The following CTNNA2 variants were observed in gnomAD, a reference collection of about 807,000 sequenced individuals.
CTNNA2 encodes catenin alpha 2.
A neutral mutation model predicts 101.0 loss-of-function variants in CTNNA2; 42 were observed. The ratio of observed to expected loss-of-function variants is 0.42; its 90% confidence interval spans 0.32 to 0.54. The LOEUF (loss-of-function observed/expected upper bound fraction) is 0.54, where lower values mean the gene tolerates loss of function less well. CTNNA2 is among the 20% of genes least tolerant of loss of function. The pLI is 0.14. For missense variants in CTNNA2, 871 were observed against 1,223.1 expected (o/e 0.71, Z 4.29); for synonymous variants, 450 against 456.4 (o/e 0.99, Z 0.18).
At chr2:79,890,804 G>A (rs1179079152) in intron 6 of CTNNA2, among the ~76,000 whole-genome samples, 1 of 143,676 alleles carries the variant, frequency 7.0e-6, no homozygotes, top group Non-Finnish European at 1.5e-5. Flanking sequence ...GGTTTTGGAG[G>A]CCAGGGAGTT....
In CTNNA2 at chr2:79,270,313, C is replaced by T. The variant is rs576777541; in HGVS notation, c.-405-42396C>T. Among the ~76,000 whole-genome samples, 23 of 152,260 alleles carry T rather than the reference C, an allele frequency of 1.5e-4. No homozygotes were observed. The South Asian group carries it at 4.8e-3, about 32-fold the overall frequency. ...GAACCATGCACTATACTCTGGCTTTCTGAGCCTGCAGCTCTTCTTCTCTTT... is the reference window on the plus strand; with the variant it reads ...GAACCATGCACTATACTCTGGCTTTTTGAGCCTGCAGCTCTTCTTCTCTTT... On this transcript the variant is annotated intron_variant, in intron 2 of 21. Coordinates refer to the CTNNA2 transcript ENST00000466387.
intron 7 of CTNNA2, among the ~76,000 whole-genome samples, chr2:80,143,296 A>G (rs1703127171): frequency 6.6e-6 from 1 of 152,246 alleles, no homozygotes; most frequent in Non-Finnish European, 1.5e-5. Flanking sequence ...TTTGTGTTAT[A>G]TTATTTGGGA....
intron 9 of CTNNA2, among the ~76,000 whole-genome samples, chr2:80,514,467 T>TA (rs1168546258): frequency 6.6e-6 from 1 of 152,204 alleles, no homozygotes; most frequent in Non-Finnish European, 1.5e-5. Flanking sequence ...ACGGCCAGTG[T>TA]GACAGCCTTT....
chr2:79,539,031 A>C (rs1673244650), intron 1 of CTNNA2, among the ~76,000 whole-genome samples: 4 of 152,234 alleles, frequency 2.6e-5, no homozygotes, highest in Admixed American at 2.6e-4. Context: ...GATAAATCCA[A>C]GCTTTTCTTT....
At chr2:80,392,124 C>T (rs556455155) in intron 7 of CTNNA2, among the ~76,000 whole-genome samples, 1 of 152,240 alleles carries the variant, frequency 6.6e-6, no homozygotes, top group Non-Finnish European at 1.5e-5. Context: ...GGAAAGAGAA[C>T]ATTTAGAAAC....
chr2:79,243,003 C>CACACACACAT (rs67944863), intron 2 of CTNNA2, among the ~76,000 whole-genome samples: 7,818 of 133,822 alleles, frequency 0.058, 334 homozygotes, highest in African/African-American at 0.093. Context: ...TACACACACA[C>CACACACACAT]ACACACACAC....
At position 79,405,697 on chromosome 2, in the gene CTNNA2, T is replaced by A. The variant is rs538209386; in HGVS notation, c.-135+31684T>A. ...TATATTTATGGGATACACAGCGATG[T>A]TATTATATGTGTATACCATGTATTC... is the stretch of plus-strand genomic sequence containing the variant. On this transcript the variant is annotated intron_variant, in intron 4 of 21. Coordinates refer to the CTNNA2 transcript ENST00000466387. 5.3e-5 allele frequency among the ~76,000 whole-genome samples: 8 copies of A among 152,008 alleles called. No individual in the cohort carries two copies. The South Asian group carries it at 1.7e-3, about 31-fold the overall frequency.
intron 8 of CTNNA2, among the ~76,000 whole-genome samples, chr2:80,409,614 A>G (rs1268132592): frequency 6.6e-6 from 1 of 152,224 alleles, no homozygotes; most frequent in Non-Finnish European, 1.5e-5. Flanking sequence ...GAAGGAATAA[A>G]TGACGGAACA....
intron 3 of CTNNA2, among the ~76,000 whole-genome samples, chr2:79,336,393 T>C (rs10496221): frequency 0.12 from 17,666 of 152,124 alleles, 1,192 homozygotes; most frequent in East Asian, 0.3. Context: ...AATGACTATA[T>C]CTTCAAAGAC....
At chr2:79,818,743 T>C (rs996375413) in intron 3 of CTNNA2, among the ~76,000 whole-genome samples, 6 of 150,664 alleles carry the variant, frequency 4.0e-5, no homozygotes, top group Non-Finnish European at 8.8e-5. Context: ...AAAGTTTTTT[T>C]CTGTTGTTTT....
intron 3 of CTNNA2, among the ~76,000 whole-genome samples, chr2:79,797,255 G>C (rs532233990): frequency 4.6e-5 from 7 of 152,208 alleles, no homozygotes; most frequent in African/African-American, 1.7e-4. Context: ...AGGATGTAAT[G>C]GAAGATATGG....
chr2:80,440,343 G>A (rs529757149), intron 9 of CTNNA2, among the ~76,000 whole-genome samples: 1 of 152,292 alleles, frequency 6.6e-6, no homozygotes, highest in African/African-American at 2.4e-5. Context: ...TGAACTAGGA[G>A]TAGTCTACCT....
At chr2:79,320,508 C>T (rs1450254933) in intron 3 of CTNNA2, among the ~76,000 whole-genome samples, 2 of 152,060 alleles carry the variant, frequency 1.3e-5, no homozygotes, top group Admixed American at 6.6e-5. Flanking sequence ...AAAAAAAATT[C>T]TAGTTTGCCA....
At chr2:80,013,620 A>C (rs563190694) in intron 7 of CTNNA2, among the ~76,000 whole-genome samples, 12 of 152,258 alleles carry the variant, frequency 7.9e-5, no homozygotes, top group Middle Eastern at 3.4e-3. Flanking sequence ...CTCTTAGCAC[A>C]TCCATCTAAC....
intron 7 of CTNNA2, among the ~76,000 whole-genome samples, chr2:80,280,073 G>T (rs1381892529): frequency 6.6e-6 from 1 of 151,678 alleles, no homozygotes; most frequent in Non-Finnish European, 1.5e-5. Flanking sequence ...GTCCTTGTAT[G>T]ACTTCAAGTA....
chr2:79,209,245 A>G (rs142174923), intron 2 of CTNNA2, among the ~76,000 whole-genome samples: 134 of 152,334 alleles, frequency 8.8e-4, no homozygotes, highest in African/African-American at 3.1e-3. Flanking sequence ...AAAAGTATAC[A>G]TTGTATCTAT....
chr2:79,466,085 G>C (rs1383157125), intron 4 of CTNNA2, among the ~76,000 whole-genome samples: 1 of 152,236 alleles, frequency 6.6e-6, no homozygotes, highest in African/African-American at 2.4e-5. Context: ...AGCAGGGCGA[G>C]GCATCGCCTC....
intron 2 of CTNNA2, among the ~76,000 whole-genome samples, chr2:79,734,991 A>G (rs1389394562): frequency 6.6e-6 from 1 of 152,146 alleles, no homozygotes; most frequent in Non-Finnish European, 1.5e-5. Context: ...ATAAGTCAGT[A>G]GAAACACTTT....
intron 4 of CTNNA2, among the ~76,000 whole-genome samples, chr2:79,435,143 G>A (rs538417173): frequency 6.6e-6 from 1 of 152,226 alleles, no homozygotes; most frequent in African/African-American, 2.4e-5. Flanking sequence ...GGAGAGAACA[G>A]TGAAAGGTGC....
Sources: gnomAD v4.1 joint callset for allele counts (sites outside exome capture counted in the v4.1 genomes callset) on GRCh38, gnomAD v4.1.1 for gene constraint, MANE v1.5 for transcripts, NCBI Gene and HGNC (gene_info 2026-07-23, HGNC 2026-07-21) for gene names.